The following BMPR1B variants were observed in gnomAD, a reference collection of about 807,000 sequenced individuals.
The protein encoded by BMPR1B is bone morphogenetic protein receptor type 1B.
Under a neutral mutation model 59.1 loss-of-function variants are expected in BMPR1B, and 12 were observed. The ratio of observed to expected loss-of-function variants is 0.20; its 90% CI spans 0.13 to 0.33. BMPR1B has a LOEUF of 0.33. BMPR1B is among the 10% of genes least tolerant of loss of function. BMPR1B has a pLI of 1.00. For synonymous variants in BMPR1B, 237 were observed against 207.3 expected, an observed-to-expected ratio of 1.14 and a Z score of -1.23; for missense variants, 550 against 610.9, an observed-to-expected ratio of 0.90 and a Z score of 1.05.
intron 3 of BMPR1B, among the ~76,000 whole-genome samples, chr4:95,024,316 G>A (rs190877632): frequency 2.7e-4 from 41 of 152,158 alleles, no homozygotes; most frequent in African/African-American, 8.2e-4. Context: ...GTTATTTCAC[G>A]TATTTCAGGT....
intron 3 of BMPR1B, among the ~76,000 whole-genome samples, chr4:95,094,246 G>C (rs918787427): frequency 3.9e-5 from 6 of 151,968 alleles, no homozygotes; most frequent in African/African-American, 1.4e-4. Context: ...AAGAAAATAA[G>C]AATATTTTAG....
At chr4:95,074,534 T>C (rs1728557670) in intron 3 of BMPR1B, among the ~76,000 whole-genome samples, 1 of 152,128 alleles carries the variant, frequency 6.6e-6, no homozygotes, top group Non-Finnish European at 1.5e-5. Flanking sequence ...TTTTCATTTT[T>C]CGTCATTGTT....
At chr4:95,081,363 A>G (rs567222602) in intron 3 of BMPR1B, among the ~76,000 whole-genome samples, 2 of 152,310 alleles carry the variant, frequency 1.3e-5, no homozygotes, top group South Asian at 4.1e-4. Context: ...ACTGACAGAA[A>G]AACTGGTTAT....
rs181759115 is a variant in BMPR1B, at chr4:95,071,187, A to C, written c.-17-33221A>C. Among the ~76,000 whole-genome samples, 56 of 152,222 alleles carry C rather than the reference A, an allele frequency of 3.7e-4. 1 individual carries two copies. Among genetic ancestry groups the C allele is most frequent in the Non-Finnish European group, 7.8e-4 (53 of 67,982 alleles). ...TAGCTTTCATACCTCTGGTGATTTT[A>C]TTACCTTATTTAATAGAGGAGAGTC... is the stretch of plus-strand genomic sequence containing the variant. On this transcript the variant is annotated intron_variant, in intron 3 of 12. Coordinates refer to ENST00000515059, the MANE Select transcript of BMPR1B (RefSeq NM_001203.3).
Position 94,995,643 on chromosome 4 carries a change from G to A in BMPR1B, c.-112-397G>A, listed in dbSNP as rs3775040. ...GCCCCACTTTTCTCCACCTACCTGA[G>A]GAAAGCTGTATTTCTTCAGACAAAC... On this transcript the variant is annotated intron_variant, in intron 2 of 12. Transcript: ENST00000515059. Among the ~76,000 whole-genome samples the A allele has an allele frequency of 1.1e-3, 162 of 152,274 alleles. 5 individuals carry two copies. In the East Asian group the frequency reaches 0.028, roughly 27 times the overall value.
At chr4:94,835,744 G>A (rs1724781878) in intron 1 of BMPR1B, among the ~76,000 whole-genome samples, 1 of 152,122 alleles carries the variant, frequency 6.6e-6, no homozygotes, top group Non-Finnish European at 1.5e-5. Flanking sequence ...CCATTTAGGA[G>A]TTATCTAAAT....
chr4:94,770,182 G>GTTTTTTTTTTTTTTTTT (rs1215939344), intron 1 of BMPR1B, among the ~76,000 whole-genome samples: 18 of 39,978 alleles, frequency 4.5e-4, no homozygotes, highest in South Asian at 1.5e-3. Context: ...TCGTTTCTGT[G>GTTTTTTTTTTTTTTTTT]TTTGTTTTTT....
chr4:95,116,421 G>GCGCGCGCGCGCACACA, intron 6 of BMPR1B, among the ~76,000 whole-genome samples: 18 of 123,248 alleles, frequency 1.5e-4, no homozygotes, highest in African/African-American at 5.4e-4. Context: ...TTCAGCGCGC[G>GCGCGCGCGCGCACACA]CACACACACA....
intron 2 of BMPR1B, among the ~76,000 whole-genome samples, chr4:94,902,083 G>A (rs1310279059): frequency 7.5e-6 from 1 of 133,306 alleles, no homozygotes; most frequent in Admixed American, 7.5e-5. Context: ...GTGTGTGTGT[G>A]TGTGGGGTGT....
intron 1 of BMPR1B, among the ~76,000 whole-genome samples, chr4:94,768,653 A>G (rs565997800): frequency 1.3e-5 from 2 of 152,120 alleles, no homozygotes; most frequent in Non-Finnish European, 2.9e-5. Context: ...TCATTCTCTG[A>G]TTGGAAGTTA....
In BMPR1B at chr4:94,856,225, A is replaced by G. The variant is rs1413024187; in HGVS notation, c.-182-19606A>G. ...AGATCTGCTGCTTGCTCAGAGACCCATGATCTTTTAACAGCTAGAAAACTG... is the reference window on the plus strand; with the variant it reads ...AGATCTGCTGCTTGCTCAGAGACCCGTGATCTTTTAACAGCTAGAAAACTG... On this transcript the variant is annotated intron_variant, in intron 1 of 12. Coordinates refer to ENST00000515059, the MANE Select transcript of BMPR1B (RefSeq NM_001203.3). Among the ~76,000 whole-genome samples the G allele has an allele frequency of 7.2e-5, 11 of 152,268 alleles. No individual in the cohort carries two copies. The East Asian group carries it at 2.1e-3, about 29-fold the overall frequency.
chr4:94,782,430 C>T (rs1304120095), intron 1 of BMPR1B, among the ~76,000 whole-genome samples: 1 of 151,870 alleles, frequency 6.6e-6, no homozygotes, highest in Non-Finnish European at 1.5e-5. Flanking sequence ...CTCAGCCTCC[C>T]TAGTAGCTGG....
intron 2 of BMPR1B, among the ~76,000 whole-genome samples, chr4:94,924,891 A>G (rs2149028248): frequency 6.6e-6 from 1 of 152,190 alleles, no homozygotes; most frequent in South Asian, 2.1e-4. Context: ...TGTTTATGTT[A>G]ATTTGAATAA....
intron 3 of BMPR1B, among the ~76,000 whole-genome samples, chr4:95,030,847 A>G (rs915674680): frequency 6.6e-6 from 1 of 152,168 alleles, no homozygotes; most frequent in Non-Finnish European, 1.5e-5. Context: ...AGAACTACAA[A>G]CCACTGCTCA....
At chr4:94,950,201 GA>G (rs1729877848) in intron 2 of BMPR1B, among the ~76,000 whole-genome samples, 1 of 152,042 alleles carries the variant, frequency 6.6e-6, no homozygotes. Context: ...TTGTCAGATG[GA>G]TAGATTGCAA....
chr4:95,061,107 T>C lies in BMPR1B; in HGVS notation c.-17-43301T>C, dbSNP rs371670887. Among the ~76,000 whole-genome samples, 39 of 151,672 alleles carry C rather than the reference T, an allele frequency of 2.6e-4. No homozygotes were observed. In the East Asian group the frequency reaches 2.7e-3, roughly 11 times the overall value. ...TTTGAAAATTAGCACTCAAGATAGC[T>C]ATTTCAGAGAGCTCCTGTGTTCACT... On this transcript the variant is annotated intron_variant, in intron 3 of 12. Coordinates refer to ENST00000515059, the MANE Select transcript of BMPR1B (RefSeq NM_001203.3).
chr4:95,029,068 T>TTTTC (rs1560604781), intron 3 of BMPR1B, among the ~76,000 whole-genome samples: 1 of 150,570 alleles, frequency 6.6e-6, no homozygotes, highest in African/African-American at 2.4e-5. Flanking sequence ...AACATTTTCT[T>TTTTC]TTTATTTATT....
At chr4:94,762,345 G>A (rs1478912483) in intron 1 of BMPR1B, among the ~76,000 whole-genome samples, 2 of 152,130 alleles carry the variant, frequency 1.3e-5, no homozygotes, top group Admixed American at 6.5e-5. Context: ...TTGCCATTAG[G>A]AAAACAAGAC....
At chr4:94,984,463 G>C (rs1210901675) in intron 2 of BMPR1B, among the ~76,000 whole-genome samples, 8 of 152,030 alleles carry the variant, frequency 5.3e-5, no homozygotes, top group Non-Finnish European at 1.0e-4. Context: ...GGCCCTATTA[G>C]CTCCATGTCT....
Sources: allele counts gnomAD v4.1 joint callset (sites outside exome capture counted in the v4.1 genomes callset), GRCh38; gene constraint gnomAD v4.1.1; transcripts MANE v1.5; gene names NCBI Gene and HGNC (gene_info 2026-07-23, HGNC 2026-07-21).